KMO: variants seen among roughly 807,000 people sequenced by gnomAD.
KMO encodes kynurenine 3-monooxygenase.
In KMO, 24 loss-of-function variants were observed where a neutral mutation model predicts 57.8. The observed-to-expected ratio is 0.42, with a 90% CI of 0.30 to 0.58. The LOEUF is 0.58. KMO is among the 20% of genes least tolerant of loss of function. KMO has a pLI of 0.22. For synonymous variants in KMO, 210 were observed against 193.6 expected (o/e 1.08, Z -0.70); for missense variants, 483 against 588.2 (o/e 0.82, Z 1.85).
At chr1:241,565,187 C>G (rs1662029160) in intron 8 of KMO, 129 bp downstream of exon 8, 1 of 582,216 alleles carries the variant, frequency 1.7e-6, no homozygotes, top group Non-Finnish European at 3.0e-6. Context: ...GTGATTATAG[C>G]TTTGAAACTT....
At chr1:241,546,503 A>G (rs993937414) in intron 1 of KMO, among the ~76,000 whole-genome samples, 1 of 152,222 alleles carries the variant, frequency 6.6e-6, no homozygotes, top group Non-Finnish European at 1.5e-5. Context: ...AAAATTTGAT[A>G]TTAGTTAAGC....
At chr1:241,583,788 TATATGTGGCTGACC>T (rs6143707) in intron 10 of KMO, among the ~76,000 whole-genome samples, 22,479 of 151,976 alleles carry the variant, frequency 0.15, 2,394 homozygotes, top group African/African-American at 0.27. Flanking sequence ...AGAACTTGGG[TATATGTGGCTGACC>T]ATATAGTATT....
intron 5 of KMO, among the ~76,000 whole-genome samples, chr1:241,557,589 A>AATTGTATTTCC (rs2147956680): frequency 6.6e-6 from 1 of 152,300 alleles, no homozygotes; most frequent in East Asian, 1.9e-4. Context: ...CCTTAGTTAT[A>AATTGTATTTCC]TTTGTCAGAC....
At chr1:241,544,711 A>T (rs1472600220) in intron 1 of KMO, among the ~76,000 whole-genome samples, 1 of 152,112 alleles carries the variant, frequency 6.6e-6, no homozygotes, top group Non-Finnish European at 1.5e-5. Flanking sequence ...ATTGATTTTT[A>T]CCTGTGAGCC....
chr1:241,588,710 A>G (rs1558432662), intron 11 of KMO, 38 bp from the exon 12 acceptor site: 2 of 1,465,958 alleles, frequency 1.4e-6, no homozygotes, highest in Non-Finnish European at 1.9e-6. Flanking sequence ...GCACATTTTT[A>G]TAGAAGGTTT....
At chr1:241,562,420 A>AT in intron 7 of KMO, 88 bp downstream of exon 7, 2 of 1,331,954 alleles carry the variant, frequency 1.5e-6, no homozygotes, top group Non-Finnish European at 2.1e-6. Context: ...TCTCAGCAGC[A>AT]TGTCTTGATC....
chr1:241,572,758 C>T (rs1662350388), intron 10 of KMO, among the ~76,000 whole-genome samples: 1 of 152,086 alleles, frequency 6.6e-6, no homozygotes, highest in African/African-American at 2.4e-5. Flanking sequence ...GTAGAGTACA[C>T]TGTACCCAAT....
At chr1:241,549,951 C>G in intron 3 of KMO, 177 bp downstream of exon 3, 1 of 537,844 alleles carries the variant, frequency 1.9e-6, no homozygotes, top group Admixed American at 3.5e-5. Context: ...ATTGGACACT[C>G]GAGGCACCCG....
intron 2 of KMO, among the ~76,000 whole-genome samples, chr1:241,549,246 AAAGAAAGAAAGAAAGAAAGAAAGG>A (rs1661288232): frequency 1.0e-4 from 2 of 19,564 alleles, no homozygotes; most frequent in African/African-American, 2.5e-4. Flanking sequence ...AGAAAGAAAG[AAAGAAAGAAAGAAAGAAAGAAAGG>A]AAGGAAGAAA....
Position 241,594,766 on chromosome 1 carries a change from A to C in KMO, c.*2613A>C. 4 of 1,524,868 alleles carry C rather than the reference A, an allele frequency of 2.6e-6. No individual in the cohort carries two copies. The highest frequency in any genetic ancestry group is 3.5e-6 in the Non-Finnish European group (4 of 1,126,876). The allele number at this position is 1,524,868 out of a possible 1,614,324, so 94.5% of individuals were successfully genotyped here. ...ATCTGGATTAACATTCGAGGAAATC[A>C]GTTGAGCTGAATTTAAGTTGTTTTT... On this transcript the variant is annotated 3_prime_UTR_variant, in exon 15 of 15. Coordinates refer to ENST00000366559, the MANE Select transcript of KMO (RefSeq NM_003679.5).
intron 10 of KMO, among the ~76,000 whole-genome samples, chr1:241,580,608 G>C (rs183765996): frequency 1.8e-4 from 27 of 152,142 alleles, no homozygotes; most frequent in Admixed American, 4.6e-4. Context: ...CATTGACCCA[G>C]TGGTCATTCA....
intron 8 of KMO, among the ~76,000 whole-genome samples, chr1:241,565,945 C>T (rs374244477): frequency 6.6e-6 from 1 of 152,128 alleles, no homozygotes; most frequent in Non-Finnish European, 1.5e-5. Context: ...TGGCTCATGC[C>T]TGTAATCCCA....
chr1:241,588,214 G>A (rs375441208), intron 11 of KMO, among the ~76,000 whole-genome samples: 2 of 151,448 alleles, frequency 1.3e-5, no homozygotes, highest in Admixed American at 6.6e-5. Flanking sequence ...AAAGCCTACC[G>A]TAAAGTAAGT....
intron 10 of KMO, among the ~76,000 whole-genome samples, chr1:241,579,748 T>A (rs1033057482): frequency 6.6e-6 from 1 of 152,136 alleles, no homozygotes; most frequent in Non-Finnish European, 1.5e-5. Context: ...TCTGCACTCG[T>A]GGCTGTAGCA....
Position 241,555,654 on chromosome 1 carries a change from T to C in KMO, c.355T>C (p.Leu119=), listed in dbSNP as rs76387396. The C allele has an allele frequency of 2.3e-4, 357 of 1,561,580 alleles. 2 individuals carry two copies. The East Asian group carries it at 8.0e-3, about 35-fold the overall frequency. Residue 119 remains leucine, a synonymous_variant, in exon 5 of 15, where the codon TTG becomes CTG. Coordinates refer to ENST00000366559, the MANE Select transcript of KMO (RefSeq NM_003679.5). The part of the protein sequence containing the change: ...VSRENLNKDL[L]TAAEKYPNVK... ...CAGAGAAAATCTAAACAAGGATCTATTGACTGGTAAGTCTAATGTTTGATT... is the reference window on the plus strand; with the variant it reads ...CAGAGAAAATCTAAACAAGGATCTACTGACTGGTAAGTCTAATGTTTGATT...
chr1:241,559,802 GT>G (rs1661772168), intron 5 of KMO, among the ~76,000 whole-genome samples: 1 of 152,060 alleles, frequency 6.6e-6, no homozygotes, highest in Non-Finnish European at 1.5e-5. Flanking sequence ...AACTTGATGA[GT>G]TTGGTCCTTA....
intron 9 of KMO, among the ~76,000 whole-genome samples, chr1:241,567,328 C>T (rs917734615): frequency 2.1e-4 from 32 of 152,270 alleles, no homozygotes; most frequent in Non-Finnish European, 3.2e-4. Flanking sequence ...TGTCTGGTGA[C>T]GCCCCACTTC....
intron 11 of KMO, among the ~76,000 whole-genome samples, chr1:241,588,197 GA>G (rs797002050): frequency 9.4e-5 from 14 of 149,248 alleles, no homozygotes; most frequent in African/African-American, 3.0e-4. Context: ...GTTTTAAAAA[GA>G]AAAAAAAAGC....
At position 241,592,724 on chromosome 1, in the gene KMO, C is replaced by A. The variant is rs1558434855; in HGVS notation, c.*571C>A. On this transcript the variant is annotated 3_prime_UTR_variant, in exon 15 of 15. Coordinates refer to ENST00000366559, the MANE Select transcript of KMO (RefSeq NM_003679.5). Reference sequence around the variant, plus strand: ...GTATTATCATCTATCTGTTTATCGTCTATCTATCTATCATCTATCTATCTA... The same window carrying A: ...GTATTATCATCTATCTGTTTATCGTATATCTATCTATCATCTATCTATCTA... 1 of 154,790 alleles carries A rather than the reference C, an allele frequency of 6.5e-6. No homozygotes were observed. The allele number at this position is 154,790 out of a possible 1,614,324, so 9.6% of individuals were successfully genotyped here. A position where few individuals can be genotyped will look rare whatever the true frequency, so the allele number is the denominator to read the frequency against.
Sources: allele counts gnomAD v4.1 joint callset (sites outside exome capture counted in the v4.1 genomes callset), GRCh38; gene constraint gnomAD v4.1.1; transcripts MANE v1.5; gene names NCBI Gene and HGNC (gene_info 2026-07-23, HGNC 2026-07-21).